The following KMT5C variants were observed in gnomAD, a reference collection of about 807,000 sequenced individuals.
KMT5C encodes histone-lysine N-methyltransferase KMT5C.
KMT5C carries 16 observed loss-of-function variants against 38.2 expected under a neutral mutation model. The observed-to-expected ratio is 0.42, with a 90% CI of 0.28 to 0.64. KMT5C has a LOEUF of 0.64. Among genes scored for constraint, KMT5C ranks in the 30% least tolerant of loss-of-function variants. KMT5C has a pLI of 0.23. For missense variants in KMT5C, 598 were observed against 665.1 expected (o/e 0.90, Z 1.11); for synonymous variants, 291 against 279.0 (o/e 1.04, Z -0.43).
rs1296204087 is a variant in KMT5C at position 55,347,176 on chromosome 19, C to T, written c.1116C>T (p.Ala372=). 7.9e-5 allele frequency: 121 copies of T among 1,536,574 alleles called. No individual in the cohort carries two copies. The highest frequency in any genetic ancestry group is 1.0e-4 in the Non-Finnish European group (117 of 1,146,690). ...CCCACTGCCGCCTGCGAGGAGAGGC[C>T]CTGGTGGCCCTGGGCCAGCCCCCCC... ...CGPHCRLRGE[A]LVALGQPPHA... The change falls in exon 9 of 9, where the codon GCC becomes GCT. Residue 372 remains alanine, a synonymous_variant. Coordinates refer to ENST00000255613, the MANE Select transcript of KMT5C (RefSeq NM_032701.4). This position sits in a 1 kb window ranked among gnomAD's most constrained non-coding sequence, Gnocchi z 4.6.
At chr19:55,346,019 G>A in intron 6 of KMT5C, 194 bp from the exon 7 acceptor site, 1 of 623,688 alleles carries the variant, frequency 1.6e-6, no homozygotes, top group Non-Finnish European at 2.8e-6. Flanking sequence ...GCCAGTGGGT[G>A]GATTGTCCAG....
rs769760559 is a variant in KMT5C at position 55,342,835 on chromosome 19, G to A, written c.370G>A (p.Val124Met). ...CATGGAGACCAACGGGGCCAAGATC[G>A]TGTCCACTCGTGCTTGGTAAGAGGG... ...YSMETNGAKI[V>M]STRAWKKNEK... is the part of the protein sequence containing the mutation. The change falls in exon 4 of 9, where the codon GTG becomes ATG. Residue 124 changes from valine (V) to methionine (M), a missense_variant. This residue lies in a region of KMT5C where 167 missense variants were observed against 187.8 expected (regional missense o/e 0.89). Coordinates refer to ENST00000255613, the MANE Select transcript of KMT5C (RefSeq NM_032701.4). 3.8e-6 allele frequency: 6 copies of A among 1,599,976 alleles called. No individual in the cohort carries two copies. Among genetic ancestry groups the A allele is most frequent in the Middle Eastern group, 1.7e-4 (1 of 6,042 alleles).
At position 55,343,106 on chromosome 19, in the gene KMT5C, G is replaced by C; in HGVS notation, c.386+255G>C. ...AAGAACTAGGCTTCTGGTCAGGGCC[G>C]TGCTGTCCTTACCTCCTTGTGACCT... On this transcript the variant is annotated intron_variant, in intron 4 of 8. Coordinates refer to ENST00000255613, the MANE Select transcript of KMT5C (RefSeq NM_032701.4). The surrounding 1 kb of genome is among the most constrained non-coding windows in gnomAD (Gnocchi z 5.5). 4.4e-6 allele frequency: 2 copies of C among 459,190 alleles called. No individual in the cohort carries two copies. 28.4% of individuals were successfully genotyped at this position (459,190 alleles called of 1,614,324 possible). A position where few individuals can be genotyped will look rare whatever the true frequency, so the allele number is the denominator to read the frequency against.
chr19:55,347,610 T>A lies in KMT5C; in HGVS notation c.*161T>A. 8.1e-7 allele frequency: 1 copy of A among 1,237,032 alleles called. No individual in the cohort carries two copies. The highest frequency in any genetic ancestry group is 1.8e-5 in the South Asian group (1 of 56,920). 76.6% of individuals were successfully genotyped at this position (1,237,032 alleles called of 1,614,324 possible). On this transcript the variant is annotated 3_prime_UTR_variant, in exon 9 of 9. Transcript: ENST00000255613. This position sits in a 1 kb window ranked among gnomAD's most constrained non-coding sequence, Gnocchi z 4.6. ...GTTGGTTTGGACACCCCCAGGGATC[T>A]GAGCCCTGACCCTTTGTGACTGCTG...
At chr19:55,345,344 C>T (rs1408230704) in intron 6 of KMT5C, among the ~76,000 whole-genome samples, 1 of 152,114 alleles carries the variant, frequency 6.6e-6, no homozygotes, top group African/African-American at 2.4e-5. Flanking sequence ...ATGGAAGCTC[C>T]CCCCAGGGTG....
chr19:55,347,054 C>A lies in KMT5C; in HGVS notation c.994C>A (p.Pro332Thr). 6.4e-7 allele frequency: 1 copy of A among 1,568,910 alleles called. No homozygotes were observed. Among genetic ancestry groups the A allele is most frequent in the Non-Finnish European group, 8.6e-7 (1 of 1,156,636 alleles). Residue 332 changes from proline (P) to threonine (T), a missense_variant, in exon 9 of 9, where the codon CCC becomes ACC. Physicochemically the swap from Pro to Thr is conservative, Grantham distance 38 (BLOSUM62 -1). Transcript: ENST00000255613. The surrounding 1 kb of genome is among the most constrained non-coding windows in gnomAD (Gnocchi z 4.6). ...WLPQPQPRVRPRKRRRPRPRR... is the reference protein window; with the variant it reads ...WLPQPQPRVRTRKRRRPRPRR... Reference sequence around the variant, plus strand: ...GCCTCAGCCCCAGCCCCGAGTGCGGCCCCGGAAGCGCCGACGCCCCCGGCC... The same window carrying A: ...GCCTCAGCCCCAGCCCCGAGTGCGGACCCGGAAGCGCCGACGCCCCCGGCC...
Position 55,346,632 on chromosome 19 carries a change from G to C in KMT5C, c.840G>C (p.Leu280=), listed in dbSNP as rs1299832516. 3 of 1,573,230 alleles carry C rather than the reference G, an allele frequency of 1.9e-6. No individual in the cohort carries two copies. Among genetic ancestry groups the C allele is most frequent in the Non-Finnish European group, 2.6e-6 (3 of 1,160,272 alleles). The change falls in exon 8 of 9, where the codon CTG becomes CTC. Residue 280 remains leucine (L), a synonymous_variant. Transcript: ENST00000255613. The stretch of plus-strand genomic sequence containing the variant: ...TGGACAGTGGCAGCCGACAGGGCCT[G>C]CTGGGCCCTCGGGCCTGCGTGCACC... ...QGLDSGSRQG[L]LGPRACVHPS...
Position 55,343,507 on chromosome 19 carries a change from C to T in KMT5C, c.387-173C>T, listed in dbSNP as rs991992362. 9 of 653,866 alleles carry T rather than the reference C, an allele frequency of 1.4e-5. No homozygotes were observed. The highest frequency in any genetic ancestry group is 9.6e-5 in the South Asian group (5 of 52,260). The allele number at this position is 653,866 out of a possible 1,614,324, so 40.5% of individuals were successfully genotyped here. A position where few individuals can be genotyped will look rare whatever the true frequency, so the allele number is the denominator to read the frequency against. On this transcript the variant is annotated intron_variant, in intron 4 of 8. Coordinates refer to ENST00000255613, the MANE Select transcript of KMT5C (RefSeq NM_032701.4). The surrounding 1 kb of genome is among the most constrained non-coding windows in gnomAD (Gnocchi z 5.5). ...GGGGCTGTGGGCTGGAGCAGGGAAG[C>T]CCACCCAGGCAGGAGGGGAAGAGGG...
At chr19:55,344,361 C>CAAAAAA in intron 6 of KMT5C, 1 of 160,368 alleles carries the variant, frequency 6.2e-6, no homozygotes. Flanking sequence ...GACTCTGTCT[C>CAAAAAA]AAAAAAAAAA....
chr19:55,341,717 T>A, intron 1 of KMT5C, 77 bp from the exon 2 acceptor site: 1 of 578,978 alleles, frequency 1.7e-6, no homozygotes, highest in Non-Finnish European at 3.1e-6. Context: ...CTTTCCCTAC[T>A]CTCAGAAGTA....
intron 1 of KMT5C, among the ~76,000 whole-genome samples, chr19:55,340,303 G>C (rs1224623493): frequency 6.9e-6 from 1 of 144,264 alleles, no homozygotes; most frequent in Non-Finnish European, 1.5e-5. Context: ...TGCACCCCCA[G>C]GTCTCTCCCT....
chr19:55,342,073 GCCCGAGGGGTCAGGACCCCTCCCCTT>G, intron 2 of KMT5C, 27 bp downstream of exon 2: 6 of 1,593,394 alleles, frequency 3.8e-6, no homozygotes, highest in Non-Finnish European at 5.2e-6. Flanking sequence ...GCGAGGGTGG[GCCCGAGGGGTCAGGACCCCTCCCCTT>G]GCACCGCTGC....
Position 55,343,513 on chromosome 19 carries a change from C to T in KMT5C, c.387-167C>T, listed in dbSNP as rs543018980. ...GTGGGCTGGAGCAGGGAAGCCCACC[C>T]AGGCAGGAGGGGAAGAGGGAGATCT... On this transcript the variant is annotated intron_variant, in intron 4 of 8. Transcript: ENST00000255613. The surrounding 1 kb of genome is among the most constrained non-coding windows in gnomAD (Gnocchi z 5.5). The T allele has an allele frequency of 4.4e-6, 3 of 676,108 alleles. No individual in the cohort carries two copies. The East Asian group carries it at 8.2e-5, about 18-fold the overall frequency. 41.9% of individuals were successfully genotyped at this position (676,108 alleles called of 1,614,324 possible). A position where few individuals can be genotyped will look rare whatever the true frequency, so the allele number is the denominator to read the frequency against.
rs888258313 is a variant in KMT5C at position 55,341,186 on chromosome 19, A to G, written c.-143-608A>G. Among the ~76,000 whole-genome samples, 6 of 152,012 alleles carry G rather than the reference A, an allele frequency of 3.9e-5. No homozygotes were observed. The East Asian group carries it at 9.8e-4, about 25-fold the overall frequency. The stretch of plus-strand genomic sequence containing the variant: ...AAATATTGACCTGTGCTGCCTCCCC[A>G]TAGTCTTCCTTTGCTCCCCTCCCCA... On this transcript the variant is annotated intron_variant, in intron 1 of 8. Coordinates refer to ENST00000255613, the MANE Select transcript of KMT5C (RefSeq NM_032701.4).
chr19:55,341,716 C>CCA (rs2089559442), intron 1 of KMT5C, 78 bp from the exon 2 acceptor site: 1 of 577,908 alleles, frequency 1.7e-6, no homozygotes, highest in Non-Finnish European at 3.1e-6. Context: ...GCTTTCCCTA[C>CCA]TCTCAGAAGT....
chr19:55,341,623 TG>T (rs968581965), intron 1 of KMT5C, 170 bp from the exon 2 acceptor site: 32 of 402,852 alleles, frequency 7.9e-5, no homozygotes, highest in Non-Finnish European at 1.4e-4. Context: ...GGTGTGCATG[TG>T]GGGGTTGTGT....
chr19:55,347,484 G>A lies in KMT5C; in HGVS notation c.*35G>A. On this transcript the variant is annotated 3_prime_UTR_variant, in exon 9 of 9. Transcript: ENST00000255613. This position sits in a 1 kb window ranked among gnomAD's most constrained non-coding sequence, Gnocchi z 4.6. ...CGGGGAGGCCCAGCAGGGAGAGAGGGTCTCTCTCCTAGCTGCTACCCAGGA... is the reference window on the plus strand; with the variant it reads ...CGGGGAGGCCCAGCAGGGAGAGAGGATCTCTCTCCTAGCTGCTACCCAGGA... The A allele has an allele frequency of 2.7e-6, 4 of 1,507,984 alleles. No individual in the cohort carries two copies. Among genetic ancestry groups the A allele is most frequent in the Non-Finnish European group, 3.5e-6 (4 of 1,136,868 alleles). The allele number at this position is 1,507,984 out of a possible 1,614,324, so 93.4% of individuals were successfully genotyped here.
In KMT5C at chr19:55,342,225, C is replaced by G. The variant is rs767623677; in HGVS notation, c.121C>G (p.Pro41Ala). ...THKMNVSPVPPLRRQQHLRSA... is the reference protein window; with the variant it reads ...THKMNVSPVPALRRQQHLRSA... Reference sequence around the variant, plus strand: ...TGCCCTCTCCCCCAGCCCTGTGCCCCCCCTGCGGCGACAGCAGCACCTGCG... The same window carrying G: ...TGCCCTCTCCCCCAGCCCTGTGCCCGCCCTGCGGCGACAGCAGCACCTGCG... The change falls in exon 3 of 9, where the codon CCC (proline) becomes GCC (alanine). Residue 41 changes from proline (P) to alanine (A), a missense_variant. Physicochemically the swap from Pro to Ala is conservative, Grantham distance 27. Around this residue, in one of 3 missense-constraint regions of KMT5C, gnomAD observed 167 missense variants for 187.8 expected, o/e 0.89. Coordinates refer to ENST00000255613, the MANE Select transcript of KMT5C (RefSeq NM_032701.4). 31 of 1,609,814 alleles carry G rather than the reference C, an allele frequency of 1.9e-5. No homozygotes were observed. The highest frequency in any genetic ancestry group is 2.7e-5 in the African/African-American group (2 of 74,894).
At chr19:55,344,570 C>A in intron 6 of KMT5C, 1 of 394,246 alleles carries the variant, frequency 2.5e-6, no homozygotes, top group Non-Finnish European at 5.2e-6. Context: ...GAAAACCGAG[C>A]TGGGAGCTGT....
Sources: allele counts gnomAD v4.1 joint callset (sites outside exome capture counted in the v4.1 genomes callset), GRCh38; gene constraint gnomAD v4.1.1; regional missense constraint gnomAD v4.1.1; non-coding constraint Gnocchi (gnomAD v3.1); transcripts MANE v1.5; gene names NCBI Gene and HGNC (gene_info 2026-07-23, HGNC 2026-07-21).